Variants in MCEE observed in about 807,000 individuals in gnomAD.
MCEE encodes methylmalonyl-CoA epimerase, also known as methylmalonyl-CoA epimerase, mitochondrial.
MCEE carries 6 observed loss-of-function variants against 12.9 expected under a neutral mutation model. The ratio of observed to expected loss-of-function variants is 0.47; its 90% CI spans 0.26 to 0.92. The LOEUF (loss-of-function observed/expected upper bound fraction) is 0.92, where lower values mean the gene tolerates loss of function less well. Among genes scored for constraint, MCEE ranks in the 40% least tolerant of loss-of-function variants. MCEE has a pLI of 0.16. For synonymous variants in MCEE, 78 were observed against 77.9 expected (o/e 1.00, Z -0.01); for missense variants, 214 against 212.1 (o/e 1.01, Z -0.05).
rs557665610 is a variant in MCEE at position 71,115,859 on chromosome 2, G to GT, written c.379-5738dup. ...GATAACAGTAAGAGAAATATCTAAT[G>GT]TAGACGACGGGTTAATGGGTGCAGC... On this transcript the variant is annotated intron_variant, in intron 2 of 2. Transcript: ENST00000244217. 1.3e-4 allele frequency among the ~76,000 whole-genome samples: 19 copies of GT among 149,688 alleles called. 1 individual carries two copies. Among genetic ancestry groups the GT allele is most frequent in the African/African-American group, 4.6e-4 (18 of 39,190 alleles).
chr2:71,120,607 A>G (rs901922065), intron 2 of MCEE, among the ~76,000 whole-genome samples: 4 of 150,510 alleles, frequency 2.7e-5, no homozygotes, highest in Non-Finnish European at 5.9e-5. Context: ...AAGTGAGTCA[A>G]CAAAAACCAT....
chr2:71,125,211 A>ATATATATTTTTTT lies in MCEE; in HGVS notation c.41-669_41-668insAAAAAAATATATA. Among the ~76,000 whole-genome samples the ATATATATTTTTTT allele has an allele frequency of 4.0e-3, 192 of 48,562 alleles. 3 individuals carry two copies. The highest frequency in any genetic ancestry group is 5.4e-3 in the Non-Finnish European group (122 of 22,684). 31.9% of individuals were successfully genotyped at this position (48,562 alleles called of 152,430 possible). On this transcript the variant is annotated intron_variant, in intron 1 of 2. Coordinates refer to ENST00000244217, the MANE Select transcript of MCEE (RefSeq NM_032601.4). ...TAAATATATATATATATATATATAT[A>ATATATATTTTTTT]TTTTTTTTTTTTTTTGAGACGGAGT...
Position 71,110,027 on chromosome 2 carries a change from C to T in MCEE, c.474G>A (p.Val158=). The T allele has an allele frequency of 3.7e-6, 6 of 1,613,836 alleles. No individual in the cohort carries two copies. The South Asian group carries it at 6.6e-5, about 18-fold the overall frequency. ...EVKIGAHGKP[V]IFLHPKDCGG... ...CACAGTCTTTAGGATGGAGAAAAATCACTGGTTTTCCATGTGCTCCTATTT... is the reference window on the plus strand; with the variant it reads ...CACAGTCTTTAGGATGGAGAAAAATTACTGGTTTTCCATGTGCTCCTATTT... The change falls in exon 3 of 3, where the codon GTG becomes GTA. Residue 158 remains valine (V), a synonymous_variant. Coordinates refer to ENST00000244217, the MANE Select transcript of MCEE (RefSeq NM_032601.4).
Position 71,110,057 on chromosome 2 carries a change from C to G in MCEE, c.444G>C (p.Glu148Asp). Residue 148 changes from glutamate (E) to aspartate (D), a missense_variant, in exon 3 of 3, where the codon GAG becomes GAC. Physicochemically the swap from Glu to Asp is conservative, Grantham distance 45. Coordinates refer to ENST00000244217, the MANE Select transcript of MCEE (RefSeq NM_032601.4). ...KKKKIRSLSE[E>D]VKIGAHGKPV... ...GTTTTCCATGTGCTCCTATTTTGAC[C>G]TCTTCACTTAGACTGCGGATCTTCT... is the stretch of plus-strand genomic sequence containing the variant. 6.2e-7 allele frequency: 1 copy of G among 1,613,638 alleles called. No homozygotes were observed. The highest frequency in any genetic ancestry group is 8.5e-7 in the Non-Finnish European group (1 of 1,179,652).
chr2:71,123,504 A>G (rs902687840), intron 2 of MCEE, among the ~76,000 whole-genome samples: 1 of 152,014 alleles, frequency 6.6e-6, no homozygotes, highest in Admixed American at 6.6e-5. Flanking sequence ...AAAAAAAAAA[A>G]AAAAAGAAAA....
At chr2:71,125,211 A>ATATATATATATT in intron 1 of MCEE, among the ~76,000 whole-genome samples, 4 of 48,608 alleles carry the variant, frequency 8.2e-5, no homozygotes, top group African/African-American at 2.4e-4. Context: ...ATATATATAT[A>ATATATATATATT]TTTTTTTTTT....
chr2:71,121,264 C>T (rs1427019505), intron 2 of MCEE, among the ~76,000 whole-genome samples: 2 of 152,196 alleles, frequency 1.3e-5, no homozygotes, highest in Non-Finnish European at 2.9e-5. Flanking sequence ...CTTAAAGCCA[C>T]TTGCCAGGTA....
intron 1 of MCEE, among the ~76,000 whole-genome samples, chr2:71,126,315 C>T (rs1673231091): frequency 6.6e-6 from 1 of 150,562 alleles, no homozygotes; most frequent in Admixed American, 6.6e-5. Flanking sequence ...GCAACCTCCA[C>T]CTTCCGGGTT....
chr2:71,123,573 C>A (rs1372180853), intron 2 of MCEE, among the ~76,000 whole-genome samples: 1 of 151,604 alleles, frequency 6.6e-6, no homozygotes, highest in East Asian at 1.9e-4. Flanking sequence ...ATTGTCCTAG[C>A]AAATTAAATC....
intron 2 of MCEE, among the ~76,000 whole-genome samples, chr2:71,115,587 T>C (rs1425115349): frequency 6.6e-6 from 1 of 150,542 alleles, no homozygotes; most frequent in African/African-American, 2.5e-5. Flanking sequence ...AATGTCTTAA[T>C]TTTCTGAATT....
At chr2:71,111,809 C>T (rs1672890344) in intron 2 of MCEE, among the ~76,000 whole-genome samples, 1 of 152,212 alleles carries the variant, frequency 6.6e-6, no homozygotes, top group African/African-American at 2.4e-5. Flanking sequence ...TCTGGAAACT[C>T]TCTACAGCCA....
chr2:71,129,027 C>CCA (rs147137564), intron 1 of MCEE, among the ~76,000 whole-genome samples: 4,214 of 148,028 alleles, frequency 0.028, 180 homozygotes, highest in African/African-American at 0.096. Flanking sequence ...GTATATTCAA[C>CCA]CACACACACA....
chr2:71,114,835 G>A (rs1017965226), intron 2 of MCEE, among the ~76,000 whole-genome samples: 2 of 152,174 alleles, frequency 1.3e-5, no homozygotes, highest in East Asian at 3.8e-4. Flanking sequence ...GCAAGAGCTT[G>A]AAAACTGTTG....
At chr2:71,120,727 A>G (rs1393113509) in intron 2 of MCEE, among the ~76,000 whole-genome samples, 2 of 117,738 alleles carry the variant, frequency 1.7e-5, no homozygotes, top group South Asian at 6.5e-4. Context: ...TTCTCTGATG[A>G]GTGGTTCAAC....
chr2:71,125,211 A>AAATATATATATATATATTTTTTTTTTTT (rs1673196974), intron 1 of MCEE, among the ~76,000 whole-genome samples: 1 of 48,594 alleles, frequency 2.1e-5, no homozygotes, highest in Non-Finnish European at 4.4e-5. Flanking sequence ...ATATATATAT[A>AAATATATATATATATATTTTTTTTTTTT]TTTTTTTTTT....
intron 2 of MCEE, among the ~76,000 whole-genome samples, chr2:71,115,915 A>T (rs1307569909): frequency 3.3e-5 from 5 of 149,642 alleles, no homozygotes; most frequent in Admixed American, 6.6e-5. Flanking sequence ...TACCTTATGT[A>T]ACAAACCTGC....
At chr2:71,122,466 A>T (rs1283667167) in intron 2 of MCEE, among the ~76,000 whole-genome samples, 1 of 152,204 alleles carries the variant, frequency 6.6e-6, no homozygotes, top group East Asian at 1.9e-4. Context: ...GAGACTGGGC[A>T]ATTTACAAAA....
chr2:71,125,207 A>AT (rs1217307224), intron 1 of MCEE, among the ~76,000 whole-genome samples: 1,236 of 46,452 alleles, frequency 0.027, 54 homozygotes, highest in African/African-American at 0.072. Flanking sequence ...ATATATATAT[A>AT]TATATTTTTT....
At chr2:71,128,670 C>G (rs1348873313) in intron 1 of MCEE, among the ~76,000 whole-genome samples, 1 of 151,982 alleles carries the variant, frequency 6.6e-6, no homozygotes, top group Non-Finnish European at 1.5e-5. Context: ...CCCGGGATAA[C>G]AGGCGTGTGC....
Sources: gnomAD v4.1 joint callset for allele counts (sites outside exome capture counted in the v4.1 genomes callset) on GRCh38, gnomAD v4.1.1 for gene constraint, MANE v1.5 for transcripts, NCBI Gene and HGNC (gene_info 2026-07-23, HGNC 2026-07-21) for gene names.